ZFHX3: variants seen among roughly 807,000 people sequenced by gnomAD.
The protein encoded by ZFHX3 is zinc finger homeobox protein 3.
A neutral mutation model predicts 279.1 loss-of-function variants in ZFHX3; 42 were observed. That is an observed-to-expected ratio of 0.15 (90% CI 0.12 to 0.19). The LOEUF is 0.19. Among genes scored for constraint, ZFHX3 ranks in the 10% least tolerant of loss-of-function variants. The pLI is 1.00. For synonymous variants in ZFHX3, 2,293 were observed against 1,957.8 expected (o/e 1.17, Z -4.52); for missense variants, 4,981 against 4,754.0 (o/e 1.05, Z -1.40).
At chr16:73,014,713 G>A (rs1027314294) in intron 1 of ZFHX3, among the ~76,000 whole-genome samples, 1 of 151,672 alleles carries the variant, frequency 6.6e-6, no homozygotes, top group Non-Finnish European at 1.5e-5. Flanking sequence ...TTTTAGTAGA[G>A]AAGGGGTTTC....
intron 1 of ZFHX3, among the ~76,000 whole-genome samples, chr16:73,823,688 C>T (rs1170144970): frequency 1.3e-5 from 2 of 152,164 alleles, no homozygotes; most frequent in Non-Finnish European, 2.9e-5. Context: ...CTACGGAGAC[C>T]ATCAGACCCG....
At chr16:73,436,035 A>C (rs2017991706) in intron 3 of ZFHX3, among the ~76,000 whole-genome samples, 1 of 152,202 alleles carries the variant, frequency 6.6e-6, no homozygotes, top group Non-Finnish European at 1.5e-5. Context: ...GTAATTTATA[A>C]AGAAAAAGAG....
At chr16:73,038,308 A>C (rs1443001513) in intron 1 of ZFHX3, among the ~76,000 whole-genome samples, 1 of 152,186 alleles carries the variant, frequency 6.6e-6, no homozygotes, top group African/African-American at 2.4e-5. Context: ...GCTTCCCTAG[A>C]GATTAGAGAC....
intron 2 of ZFHX3, among the ~76,000 whole-genome samples, chr16:73,539,433 C>CT (rs1162434013): frequency 0.062 from 4,047 of 64,818 alleles, 639 homozygotes; most frequent in African/African-American, 0.12. Flanking sequence ...TCCTCTTCTT[C>CT]TTTTTTTTTT....
rs1161150651 is a variant in ZFHX3, at chr16:73,762,136, G to GA, written c.-1607-81897dup. ...ATAAAGAACTTAAACAAATTTACAA[G>GA]AAAAAAAAAAACAACACCATTAAAA... On this transcript the variant is annotated intron_variant, in intron 1 of 17. Coordinates refer to the ZFHX3 transcript ENST00000641206. Among the ~76,000 whole-genome samples the GA allele has an allele frequency of 1.3e-3, 188 of 140,344 alleles. 1 individual carries two copies. The highest frequency in any genetic ancestry group is 2.7e-3 in the African/African-American group (107 of 38,934). 92.1% of individuals were successfully genotyped at this position (140,344 alleles called of 152,430 possible).
At chr16:72,967,222 C>A (rs1215584418) in intron 1 of ZFHX3, among the ~76,000 whole-genome samples, 1 of 152,176 alleles carries the variant, frequency 6.6e-6, no homozygotes, top group Admixed American at 6.5e-5. Context: ...CAAAATGGAA[C>A]TGGGGCTCCT....
chr16:73,815,098 A>C (rs149909369), intron 1 of ZFHX3, among the ~76,000 whole-genome samples: 3 of 152,372 alleles, frequency 2.0e-5, no homozygotes, highest in African/African-American at 4.8e-5. Context: ...CAAAGCACTT[A>C]ACCCAAAGCC....
rs150769928 is a variant in ZFHX3, at chr16:72,811,522, G to A, written c.3864+55C>T. ...AATACAGTATCTTGCCCATGTTACT[G>A]CATCACCTTTGACCCTGGAGAAAGA... On this transcript the variant is annotated intron_variant, in intron 7 of 9. Coordinates refer to ENST00000268489, the MANE Select transcript of ZFHX3 (RefSeq NM_006885.4). 7.9e-4 allele frequency: 1,152 copies of A among 1,460,780 alleles called. 11 individuals carry two copies. The African/African-American group carries it at 0.015, about 19-fold the overall frequency. 90.5% of individuals were successfully genotyped at this position (1,460,780 alleles called of 1,614,324 possible). A position where few individuals can be genotyped will look rare whatever the true frequency, so the allele number is the denominator to read the frequency against.
At chr16:73,209,278 G>A (rs1004942706) in intron 5 of ZFHX3, among the ~76,000 whole-genome samples, 4 of 152,148 alleles carry the variant, frequency 2.6e-5, no homozygotes, top group African/African-American at 9.7e-5. Context: ...TTTAGGAGAG[G>A]AATAGCATTG....
At chr16:73,282,227 G>T (rs1016697274) in intron 4 of ZFHX3, among the ~76,000 whole-genome samples, 1 of 152,110 alleles carries the variant, frequency 6.6e-6, no homozygotes, top group African/African-American at 2.4e-5. Flanking sequence ...GCAATGGTTC[G>T]GCAAAGCCAA....
At chr16:73,304,413 G>A (rs74030049) in intron 4 of ZFHX3, among the ~76,000 whole-genome samples, 1,820 of 152,282 alleles carry the variant, frequency 0.012, 31 homozygotes, top group African/African-American at 0.035. Flanking sequence ...GTCCCCGCGT[G>A]CCTCTGTGTG....
chr16:73,211,134 C>T (rs971904081), intron 5 of ZFHX3, among the ~76,000 whole-genome samples: 1 of 152,130 alleles, frequency 6.6e-6, no homozygotes, highest in Non-Finnish European at 1.5e-5. Flanking sequence ...CTCACTTTGC[C>T]ATTACTTACC....
chr16:72,847,591 A>G (rs1416469169), intron 4 of ZFHX3, among the ~76,000 whole-genome samples: 1 of 152,074 alleles, frequency 6.6e-6, no homozygotes, highest in African/African-American at 2.4e-5. Context: ...AGCCAAGGGA[A>G]AAGAGGGGAT....
rs1014194623 is a variant in ZFHX3, at chr16:73,847,910, T to G, written c.-1608+43741A>C. The stretch of plus-strand genomic sequence containing the variant: ...GTGCCACTATGCCTGGCTAGTTTTT[T>G]TTTTTTTTTTTTTTTTTTTTTTGGA... On this transcript the variant is annotated intron_variant, in intron 1 of 17. Transcript: ENST00000641206. 2.6e-4 allele frequency among the ~76,000 whole-genome samples: 37 copies of G among 141,754 alleles called. No individual in the cohort carries two copies. The East Asian group carries it at 5.7e-3, about 22-fold the overall frequency. The allele number at this position is 141,754 out of a possible 152,430, so 93.0% of individuals were successfully genotyped here.
At chr16:73,256,203 A>G (rs1219183762) in intron 5 of ZFHX3, among the ~76,000 whole-genome samples, 1 of 152,168 alleles carries the variant, frequency 6.6e-6, no homozygotes, top group East Asian at 1.9e-4. Context: ...AGGGAGGCAG[A>G]GCCAATGAGC....
chr16:73,626,368 T>TC (rs990499229), intron 2 of ZFHX3, among the ~76,000 whole-genome samples: 26 of 151,198 alleles, frequency 1.7e-4, no homozygotes, highest in African/African-American at 6.3e-4. Context: ...GTGTGCCCCC[T>TC]CCCCCCGCCA....
At chr16:73,157,119 A>G (rs1247720708) in intron 5 of ZFHX3, among the ~76,000 whole-genome samples, 1 of 152,140 alleles carries the variant, frequency 6.6e-6, no homozygotes, top group Non-Finnish European at 1.5e-5. Context: ...TCTGAAGTCT[A>G]GCCACCCACA....
intron 1 of ZFHX3, among the ~76,000 whole-genome samples, chr16:73,818,985 A>G (rs1597130082): frequency 6.6e-6 from 1 of 152,264 alleles, no homozygotes; most frequent in African/African-American, 2.4e-5. Flanking sequence ...ATAGATTGGT[A>G]CTTTTGTCTG....
chr16:73,447,514 A>G (rs552417315), intron 3 of ZFHX3, among the ~76,000 whole-genome samples: 88 of 152,174 alleles, frequency 5.8e-4, no homozygotes, highest in Non-Finnish European at 1.1e-3. Context: ...TCAGGAACAT[A>G]ATTTCAAGAT....
Sources: allele counts gnomAD v4.1 joint callset (sites outside exome capture counted in the v4.1 genomes callset), GRCh38; gene constraint gnomAD v4.1.1; transcripts MANE v1.5; gene names NCBI Gene and HGNC (gene_info 2026-07-23, HGNC 2026-07-21).